Variants in DNAAF9 observed in about 807,000 individuals in gnomAD.
DNAAF9 encodes shulin.
DNAAF9 carries 90 observed loss-of-function variants against 167.0 expected under a neutral mutation model. That is an observed-to-expected ratio of 0.54 (90% CI 0.45 to 0.64). The LOEUF (loss-of-function observed/expected upper bound fraction) is 0.64, where lower values mean the gene tolerates loss of function less well. Among genes scored for constraint, DNAAF9 ranks in the 30% least tolerant of loss-of-function variants. The pLI is 0.00. For missense variants in DNAAF9, 1,315 were observed against 1,442.2 expected (o/e 0.91, Z 1.43); for synonymous variants, 491 against 508.8 (o/e 0.96, Z 0.47).
At chr20:3,401,687 A>G (rs79902860) in intron 1 of DNAAF9, among the ~76,000 whole-genome samples, 4,527 of 152,276 alleles carry the variant, frequency 0.03, 98 homozygotes, top group African/African-American at 0.056. Context: ...TGTGCCAGAC[A>G]CCAATCTAAG....
intron 6 of DNAAF9, chr20:3,362,459 CTAACAGCTTCATTT>C (rs1422584354): frequency 2.6e-6 from 1 of 390,678 alleles, no homozygotes; most frequent in Non-Finnish European, 4.5e-6. Context: ...CTTAGAAGTA[CTAACAGCTTCATTT>C]TTTTCACCTG....
intron 28 of DNAAF9, among the ~76,000 whole-genome samples, chr20:3,281,392 T>A (rs1290207932): frequency 6.6e-6 from 1 of 152,208 alleles, no homozygotes; most frequent in Non-Finnish European, 1.5e-5. Flanking sequence ...TTAGCAGGTA[T>A]TTCATAAGTC....
intron 3 of DNAAF9, among the ~76,000 whole-genome samples, chr20:3,379,184 A>G (rs2083614016): frequency 1.3e-5 from 2 of 151,944 alleles, no homozygotes; most frequent in Admixed American, 1.3e-4. Flanking sequence ...CATAGTAGTT[A>G]CTAAACCTAA....
rs1040557439 is a variant in DNAAF9 at position 3,334,165 on chromosome 20, C to T, written c.982-1804G>A. Among the ~76,000 whole-genome samples, 3 of 152,252 alleles carry T rather than the reference C, an allele frequency of 2.0e-5. 1 individual carries two copies. Among genetic ancestry groups the T allele is most frequent in the South Asian group, 4.1e-4 (2 of 4,820 alleles). On this transcript the variant is annotated intron_variant, in intron 10 of 36. Transcript: ENST00000252032. Reference sequence around the variant, plus strand: ...TTACCCACAGCCTTGGTTTTAATTACCCCCTTCATACCAAGGGAATGCTCA... The same window carrying T: ...TTACCCACAGCCTTGGTTTTAATTATCCCCTTCATACCAAGGGAATGCTCA...
chr20:3,394,951 T>TTC (rs2083881963), intron 1 of DNAAF9, among the ~76,000 whole-genome samples: 1 of 23,690 alleles, frequency 4.2e-5, no homozygotes, highest in Non-Finnish European at 7.7e-5. Flanking sequence ...TCTTTTTTCT[T>TTC]TTTTTTTTTT....
In DNAAF9 at chr20:3,376,253, A is replaced by C. The variant is rs1600886499; in HGVS notation, c.333T>G (p.Pro111=). Reference sequence around the variant, plus strand: ...AAGGTAAGAGATAGCGAAAGTTTACAGGATTACAGTACAGATGGACGCTAT... The same window carrying C: ...AAGGTAAGAGATAGCGAAAGTTTACCGGATTACAGTACAGATGGACGCTAT... ...KSDSVHLYCN[P]VNFRYLLPYV... Residue 111 remains proline, a synonymous_variant, in exon 4 of 37, where the codon CCT becomes CCG. Coordinates refer to ENST00000252032, the MANE Select transcript of DNAAF9 (RefSeq NM_001009984.3). The C allele has an allele frequency of 6.2e-6, 10 of 1,613,326 alleles. No homozygotes were observed. The East Asian group carries it at 2.2e-4, about 36-fold the overall frequency.
intron 7 of DNAAF9, among the ~76,000 whole-genome samples, chr20:3,353,143 A>C (rs1205027946): frequency 1.3e-5 from 2 of 150,404 alleles, no homozygotes; most frequent in Non-Finnish European, 3.0e-5. Flanking sequence ...ATGTGTATAT[A>C]TATGTAAATA....
At chr20:3,269,032 T>C (rs1277219058) in intron 30 of DNAAF9, among the ~76,000 whole-genome samples, 10 of 149,742 alleles carry the variant, frequency 6.7e-5, no homozygotes, top group Non-Finnish European at 1.5e-4. Flanking sequence ...GCCTCCCAAG[T>C]AGCTGGGGCT....
chr20:3,290,752 C>T (rs1035482115), intron 25 of DNAAF9, among the ~76,000 whole-genome samples: 6 of 151,048 alleles, frequency 4.0e-5, no homozygotes, highest in Admixed American at 3.3e-4. Context: ...TGCCTGGTTG[C>T]CTGTGCCCTC....
intron 34 of DNAAF9, among the ~76,000 whole-genome samples, 159 bp downstream of exon 34, chr20:3,255,847 C>G (rs1436509552): frequency 3.3e-5 from 5 of 152,250 alleles, no homozygotes; most frequent in Non-Finnish European, 5.9e-5. Flanking sequence ...GTGGCTTCCT[C>G]CCTCTCTCAA....
intron 23 of DNAAF9, among the ~76,000 whole-genome samples, chr20:3,295,028 A>G (rs1194398838): frequency 2.6e-5 from 4 of 151,576 alleles, no homozygotes; most frequent in Admixed American, 6.6e-5. Context: ...ACCACGCCCA[A>G]CTAATTTTGT....
At chr20:3,401,861 G>A (rs1366383896) in intron 1 of DNAAF9, among the ~76,000 whole-genome samples, 2 of 12,168 alleles carry the variant, frequency 1.6e-4, no homozygotes, top group African/African-American at 7.9e-4. Context: ...GTGACCGTGG[G>A]GAGGGCTCCC....
chr20:3,355,642 T>C (rs890930001), intron 7 of DNAAF9, among the ~76,000 whole-genome samples: 1 of 152,076 alleles, frequency 6.6e-6, no homozygotes, highest in Non-Finnish European at 1.5e-5. Context: ...TTAGCATCTA[T>C]AGAGTCATTA....
chr20:3,397,728 G>T (rs2083930385), intron 1 of DNAAF9, among the ~76,000 whole-genome samples: 1 of 148,186 alleles, frequency 6.7e-6, no homozygotes, highest in Non-Finnish European at 1.5e-5. Context: ...TTGGGGGGGG[G>T]GAACATCTAC....
intron 1 of DNAAF9, among the ~76,000 whole-genome samples, chr20:3,401,494 C>T (rs551603201): frequency 6.6e-6 from 1 of 152,276 alleles, no homozygotes; most frequent in African/African-American, 2.4e-5. Flanking sequence ...GCCACAGCAC[C>T]CGGCTGATGA....
intron 33 of DNAAF9, among the ~76,000 whole-genome samples, chr20:3,258,146 G>A (rs1392647186): frequency 1.3e-5 from 2 of 150,428 alleles, no homozygotes; most frequent in African/African-American, 2.5e-5. Context: ...GATTACAGGC[G>A]TGAGCCACTG....
At chr20:3,372,762 T>C (rs2083527198) in intron 6 of DNAAF9, among the ~76,000 whole-genome samples, 1 of 152,076 alleles carries the variant, frequency 6.6e-6, no homozygotes, top group Admixed American at 6.5e-5. Context: ...ATTTAATTGC[T>C]CTTGAACGGG....
At position 3,375,090 on chromosome 20, in the gene DNAAF9, T is replaced by C; in HGVS notation, c.445A>G (p.Thr149Ala). The C allele has an allele frequency of 6.2e-7, 1 of 1,612,114 alleles. No individual in the cohort carries two copies. The highest frequency in any genetic ancestry group is 8.5e-7 in the Non-Finnish European group (1 of 1,178,166). ...TCTCGAACCATGTCCACAAAGCTGG[T>C]AATTTTAAATTCTTCTGCGGCTTCT... ...DEEAAEEFKI[T>A]SFVDMVRDCS... The change falls in exon 5 of 37, where the codon ACC (threonine) becomes GCC (alanine). Residue 149 changes from threonine (T) to alanine (A), a missense_variant. Physicochemically the swap from Thr to Ala is moderately conservative, Grantham distance 58. Coordinates refer to ENST00000252032, the MANE Select transcript of DNAAF9 (RefSeq NM_001009984.3).
chr20:3,251,089 G>A lies in DNAAF9; in HGVS notation c.*1483C>T, dbSNP rs1364537213. ...GGTCTTTTCAGAAGCCCTTCTTGAT[G>A]CAAAATTTCTTATCAATGGTATCTG... On this transcript the variant is annotated 3_prime_UTR_variant, in exon 37 of 37. Coordinates refer to ENST00000252032, the MANE Select transcript of DNAAF9 (RefSeq NM_001009984.3). 6.6e-6 allele frequency: 1 copy of A among 151,786 alleles called. No homozygotes were observed. Among genetic ancestry groups the A allele is most frequent in the Admixed American group, 6.6e-5 (1 of 15,228 alleles). The allele number at this position is 151,786 out of a possible 1,614,324, so 9.4% of individuals were successfully genotyped here. A position where few individuals can be genotyped will look rare whatever the true frequency, so the allele number is the denominator to read the frequency against.
Sources: allele counts gnomAD v4.1 joint callset (sites outside exome capture counted in the v4.1 genomes callset), GRCh38; gene constraint gnomAD v4.1.1; transcripts MANE v1.5; gene names NCBI Gene and HGNC (gene_info 2026-07-23, HGNC 2026-07-21).